Variants in NLGN1 observed in about 807,000 individuals in gnomAD.
NLGN1 encodes neuroligin-1.
In NLGN1, 12 loss-of-function variants were observed where a neutral mutation model predicts 65.5. The observed-to-expected ratio is 0.18, with a 90% CI of 0.12 to 0.30. The LOEUF (loss-of-function observed/expected upper bound fraction) is 0.30, where lower values mean the gene tolerates loss of function less well. Among genes scored for constraint, NLGN1 ranks in the 10% least tolerant of loss-of-function variants. The pLI is 1.00. For missense variants in NLGN1, 750 were observed against 1,007.1 expected (o/e 0.74, Z 3.46); for synonymous variants, 350 against 359.5 (o/e 0.97, Z 0.30).
At position 173,813,291 on chromosome 3, in the gene NLGN1, A is replaced by G. The variant is rs554368613; in HGVS notation, c.646+5459A>G. On this transcript the variant is annotated intron_variant, in intron 4 of 6. Coordinates refer to ENST00000457714, the Ensembl canonical transcript of NLGN1. ...GACTCTTTCAAAGAACCCCCAAAAAACAAAAGTCTCATACTCCAAAACAAA... is the reference window on the plus strand; with the variant it reads ...GACTCTTTCAAAGAACCCCCAAAAAGCAAAAGTCTCATACTCCAAAACAAA... Among the ~76,000 whole-genome samples the G allele has an allele frequency of 2.0e-5, 3 of 152,318 alleles. No homozygotes were observed. The South Asian group carries it at 6.2e-4, about 32-fold the overall frequency.
intron 4 of NLGN1, among the ~76,000 whole-genome samples, chr3:174,111,065 A>G (rs539317436): frequency 2.2e-4 from 33 of 152,098 alleles, no homozygotes; most frequent in Non-Finnish European, 4.3e-4. Flanking sequence ...GCCAGAATAC[A>G]CTGTATTTAA....
intron 4 of NLGN1, among the ~76,000 whole-genome samples, chr3:173,862,500 C>T (rs1157126923): frequency 6.0e-4 from 60 of 99,482 alleles, no homozygotes; most frequent in Non-Finnish European, 1.0e-3. Flanking sequence ...AGCGAGACTC[C>T]GTCTCAAAAA....
chr3:174,217,255 A>G (rs1004775843), intron 4 of NLGN1, among the ~76,000 whole-genome samples: 1 of 152,102 alleles, frequency 6.6e-6, no homozygotes, highest in Non-Finnish European at 1.5e-5. Flanking sequence ...CTGCATTGTC[A>G]TGCTACATTT....
intron 2 of NLGN1, among the ~76,000 whole-genome samples, chr3:173,441,796 T>C (rs1719251824): frequency 6.6e-6 from 1 of 152,162 alleles, no homozygotes. Flanking sequence ...ATTTGGCTAA[T>C]GCAGAGTTGC....
chr3:173,939,389 C>T (rs1475684903), intron 4 of NLGN1, among the ~76,000 whole-genome samples: 3 of 152,112 alleles, frequency 2.0e-5, no homozygotes, highest in Non-Finnish European at 4.4e-5. Flanking sequence ...GCATTTATCT[C>T]GTGGGTTAAA....
chr3:174,030,228 C>T (rs759566559), intron 4 of NLGN1, among the ~76,000 whole-genome samples: 21 of 150,880 alleles, frequency 1.4e-4, no homozygotes, highest in African/African-American at 4.9e-5. Flanking sequence ...GAGGTTCAAG[C>T]GATCCTCCTG....
chr3:173,777,400 G>GT (rs1780459394), intron 3 of NLGN1, among the ~76,000 whole-genome samples: 1 of 151,748 alleles, frequency 6.6e-6, no homozygotes, highest in African/African-American at 2.4e-5. Flanking sequence ...TTGATATATA[G>GT]TAACTGTATA....
At chr3:174,099,513 C>T (rs182467071) in intron 4 of NLGN1, among the ~76,000 whole-genome samples, 13 of 152,142 alleles carry the variant, frequency 8.5e-5, no homozygotes, top group Admixed American at 7.9e-4. Flanking sequence ...TATAGCAATG[C>T]GTAACAATAT....
intron 3 of NLGN1, among the ~76,000 whole-genome samples, chr3:173,679,152 A>C (rs1577911433): frequency 6.6e-6 from 1 of 151,952 alleles, no homozygotes; most frequent in African/African-American, 2.4e-5. Flanking sequence ...AAAAAAGTAC[A>C]GGGAGATTTT....
exon 3 of NLGN1, chr3:173,604,755 C>A: frequency 6.2e-7 from 1 of 1,613,684 alleles, no homozygotes; most frequent in South Asian, 1.1e-5. Context: ...TGATGTGGAC[C>A]CACTGGTGGC....
At chr3:173,600,587 C>CG (rs1288952871) in intron 2 of NLGN1, among the ~76,000 whole-genome samples, 5 of 15,898 alleles carry the variant, frequency 3.1e-4, no homozygotes, top group African/African-American at 5.1e-4. Flanking sequence ...GAAATAAAAA[C>CG]ATATCTTTTT....
At chr3:174,248,255 T>C (rs966693691) in intron 4 of NLGN1, among the ~76,000 whole-genome samples, 58 of 152,224 alleles carry the variant, frequency 3.8e-4, no homozygotes, top group African/African-American at 1.3e-3. Context: ...TGTGTAGAGA[T>C]TGGCAGGAGA....
chr3:173,826,301 C>T (rs1721325524), intron 4 of NLGN1, among the ~76,000 whole-genome samples: 1 of 152,060 alleles, frequency 6.6e-6, no homozygotes, highest in Admixed American at 6.6e-5. Flanking sequence ...TACCTGACCT[C>T]CTCATTTCCT....
chr3:173,708,942 G>A (rs1398455559), intron 3 of NLGN1, among the ~76,000 whole-genome samples: 4 of 152,120 alleles, frequency 2.6e-5, no homozygotes, highest in African/African-American at 9.7e-5. Flanking sequence ...TAAAAGTGAG[G>A]TTCTCAAAAC....
downstream of NLGN1, among the ~76,000 whole-genome samples, chr3:174,291,536 T>A (rs1752762891): frequency 6.6e-6 from 1 of 151,290 alleles, no homozygotes; most frequent in South Asian, 2.1e-4. Context: ...TTTTGTTATA[T>A]AATTAGATCA....
chr3:173,464,388 A>G (rs1456472914), intron 2 of NLGN1, among the ~76,000 whole-genome samples: 1 of 152,026 alleles, frequency 6.6e-6, no homozygotes, highest in Non-Finnish European at 1.5e-5. Context: ...ACTATTTTGT[A>G]TAAATCCACA....
intron 4 of NLGN1, among the ~76,000 whole-genome samples, chr3:174,173,416 C>T (rs112758217): frequency 7.0e-4 from 106 of 152,020 alleles, no homozygotes; most frequent in African/African-American, 2.2e-3. Context: ...TCAGTTTTTC[C>T]GCTTTCAGTG....
At chr3:173,703,830 GAGTCT>G (rs1767622812) in intron 3 of NLGN1, among the ~76,000 whole-genome samples, 1 of 152,212 alleles carries the variant, frequency 6.6e-6, no homozygotes, top group Admixed American at 6.5e-5. Flanking sequence ...TTATCTCTCT[GAGTCT>G]AATCATGTGT....
chr3:173,641,826 A>G (rs1169134217), intron 3 of NLGN1, among the ~76,000 whole-genome samples: 12 of 152,194 alleles, frequency 7.9e-5, no homozygotes. Context: ...TTTGTAAATA[A>G]TATTTTATTG....
Sources: gnomAD v4.1 joint callset for allele counts (sites outside exome capture counted in the v4.1 genomes callset) on GRCh38, gnomAD v4.1.1 for gene constraint, MANE v1.5 for transcripts, NCBI Gene and HGNC (gene_info 2026-07-23, HGNC 2026-07-21) for gene names.